Variants in BAHCC1 observed in about 807,000 individuals in gnomAD.
BAHCC1 encodes the protein BAH domain and coiled-coil containing 1.
In BAHCC1, 43 loss-of-function variants were observed where a neutral mutation model predicts 88.2. The ratio of observed to expected loss-of-function variants is 0.49; its 90% confidence interval spans 0.38 to 0.63. The LOEUF (loss-of-function observed/expected upper bound fraction) is 0.63. BAHCC1 is among the 20% of genes least tolerant of loss of function. BAHCC1 has a pLI of 0.00. For synonymous variants in BAHCC1, 1,510 were observed against 745.5 expected (o/e 2.03, Z -16.71); for missense variants, 3,023 against 1,654.8 (o/e 1.83, Z -14.34).
intron 4 of BAHCC1, among the ~76,000 whole-genome samples, chr17:81,440,484 CA>C (rs782758920): frequency 3.3e-5 from 5 of 152,246 alleles, no homozygotes; most frequent in Non-Finnish European, 5.9e-5. Context: ...TGCCTGAGGA[CA>C]ATTTTACAAG....
At position 81,458,482 on chromosome 17, in the gene BAHCC1, G is replaced by A. The variant is rs368845364; in HGVS notation, c.5343+16G>A. On this transcript the variant is annotated intron_variant, in intron 18 of 27. Transcript: ENST00000675386. ...AGTGCTGCGGGTGAGGCTGGGCTCTGGGGTGCTGGGCGGAGAGGGTGGGTG... is the reference window on the plus strand; with the variant it reads ...AGTGCTGCGGGTGAGGCTGGGCTCTAGGGTGCTGGGCGGAGAGGGTGGGTG... 1.1e-4 allele frequency: 78 copies of A among 691,478 alleles called. No homozygotes were observed. In the African/African-American group the frequency reaches 1.2e-3, roughly 11 times the overall value. 42.8% of individuals were successfully genotyped at this position (691,478 alleles called of 1,614,324 possible). A position where few individuals can be genotyped will look rare whatever the true frequency, so the allele number is the denominator to read the frequency against.
At chr17:81,406,837 G>A (rs1182691223) in intron 2 of BAHCC1, 2 of 455,560 alleles carry the variant, frequency 4.4e-6, no homozygotes, top group Non-Finnish European at 8.8e-6. Context: ...GCGAGCCTCG[G>A]GTCTGGTGGG....
chr17:81,459,185 GT>G lies in BAHCC1; in HGVS notation c.5720+18del. 1 of 768,472 alleles carries G rather than the reference GT, an allele frequency of 1.3e-6. No individual in the cohort carries two copies. The highest frequency in any genetic ancestry group is 2.4e-6 in the Non-Finnish European group (1 of 412,034). 47.6% of individuals were successfully genotyped at this position (768,472 alleles called of 1,614,324 possible). ...ACCCGACATGTGAGGCCTGGGCATG[GT>G]GGGGCAGGGCAGGGGCCTGGAGGGC... On this transcript the variant is annotated intron_variant, in intron 21 of 27. Transcript: ENST00000675386.
rs529578821 is a variant in BAHCC1, at chr17:81,452,602, G to A, written c.4317-121G>A. 84 of 546,190 alleles carry A rather than the reference G, an allele frequency of 1.5e-4. 1 individual carries two copies. Among genetic ancestry groups the A allele is most frequent in the African/African-American group, 1.4e-3 (67 of 49,610 alleles). The allele number at this position is 546,190 out of a possible 1,614,324, so 33.8% of individuals were successfully genotyped here. On this transcript the variant is annotated intron_variant, in intron 13 of 27. Transcript: ENST00000675386. Reference sequence around the variant, plus strand: ...CGTGAGGGGTCAGGCTCCCCAGGCCGAGTCTGGGCCGCATCTTTCCCCACA... The same window carrying A: ...CGTGAGGGGTCAGGCTCCCCAGGCCAAGTCTGGGCCGCATCTTTCCCCACA...
chr17:81,460,941 G>T lies in BAHCC1; in HGVS notation c.6278G>T (p.Ser2093Ile). 1 of 770,694 alleles carries T rather than the reference G, an allele frequency of 1.3e-6. No homozygotes were observed. The highest frequency in any genetic ancestry group is 2.4e-6 in the Non-Finnish European group (1 of 417,860). 47.7% of individuals were successfully genotyped at this position (770,694 alleles called of 1,614,324 possible). The part of the protein sequence containing the change: ...ASDHFLGRRG[S>I]PLLSWSAVAQ... ...GACCACTTCCTGGGCCGCCGTGGCAGCCCCTTGCTGAGCTGGTCCGCGGTG... is the reference window on the plus strand; with the variant it reads ...GACCACTTCCTGGGCCGCCGTGGCATCCCCTTGCTGAGCTGGTCCGCGGTG... Residue 2093 changes from serine to isoleucine, a missense_variant, in exon 26 of 28, where the codon AGC (serine) becomes ATC (isoleucine). Ser to Ile is a moderately radical substitution (Grantham distance 142). Coordinates refer to ENST00000675386, the MANE Select transcript of BAHCC1 (RefSeq NM_001377448.1).
chr17:81,427,828 T>G lies in BAHCC1; in HGVS notation c.358+849T>G, dbSNP rs891733200. 1.1e-3 allele frequency among the ~76,000 whole-genome samples: 166 copies of G among 152,324 alleles called. 2 individuals are homozygous for G. The highest frequency in any genetic ancestry group is 3.9e-3 in the African/African-American group (162 of 41,564). On this transcript the variant is annotated intron_variant, in intron 3 of 27. Transcript: ENST00000675386. Reference sequence around the variant, plus strand: ...CCCAGCACTGCCGTAACTCAATGACTGCTGAGCGGCGGGCGTCGTGTTTAC... The same window carrying G: ...CCCAGCACTGCCGTAACTCAATGACGGCTGAGCGGCGGGCGTCGTGTTTAC...
Position 81,399,152 on chromosome 17 carries a change from TGC to T in BAHCC1, c.-206-380_-206-379del, listed in dbSNP as rs146560663. 2 of 367,442 alleles carry T rather than the reference TGC, an allele frequency of 5.4e-6. No homozygotes were observed. Among genetic ancestry groups the T allele is most frequent in the African/African-American group, 2.3e-5 (1 of 44,236 alleles). 22.8% of individuals were successfully genotyped at this position (367,442 alleles called of 1,614,324 possible). ...GAGTGTGTGTGTGTGTGTGTGTGTG[TGC>T]GAGTGTGCGTGATGGCTTCGCAGAT... On this transcript the variant is annotated intron_variant, in intron 1 of 27. Coordinates refer to ENST00000675386, the MANE Select transcript of BAHCC1 (RefSeq NM_001377448.1). This position sits in a 1 kb window ranked among gnomAD's most constrained non-coding sequence, Gnocchi z 4.5.
chr17:81,460,975 C>A lies in BAHCC1; in HGVS notation c.6312C>A (p.Thr2104=). Residue 2104 remains threonine (T), a synonymous_variant, in exon 26 of 28, where the codon ACC becomes ACA. Coordinates refer to ENST00000675386, the MANE Select transcript of BAHCC1 (RefSeq NM_001377448.1). The part of the protein sequence containing the change: ...PLLSWSAVAQ[T]KRKAVAAASK... ...TGAGCTGGTCCGCGGTGGCGCAGAC[C>A]AAGCGGAAGGCGGTGGCAGCGGCCA... is the stretch of plus-strand genomic sequence containing the variant. The A allele has an allele frequency of 1.3e-6, 1 of 772,974 alleles. No individual in the cohort carries two copies. 47.9% of individuals were successfully genotyped at this position (772,974 alleles called of 1,614,324 possible).
intron 4 of BAHCC1, 81 bp from the exon 5 acceptor site, chr17:81,441,750 A>G (rs1414909887): frequency 4.4e-5 from 21 of 480,884 alleles, no homozygotes; most frequent in Non-Finnish European, 8.0e-5. Context: ...TCCGGGAGGC[A>G]CCTGGAGCAC....
rs1232302823 is a variant in BAHCC1, at chr17:81,444,515, C to G, written c.2459C>G (p.Pro820Arg). ...GCCCCCCACACCCACCCCCATCCCCCCTGGCTGCCCCGCACCCGCAGCCCC... is the reference window on the plus strand; with the variant it reads ...GCCCCCCACACCCACCCCCATCCCCGCTGGCTGCCCCGCACCCGCAGCCCC... The part of the protein sequence containing the change: ...DPAPHTHPHP[P>R]WLPRTRSPSL... The change falls in exon 7 of 28, where the codon CCC (proline) becomes CGC (arginine). Residue 820 changes from proline (P) to arginine (R), a missense_variant. Pro to Arg is a moderately radical substitution (Grantham distance 103). Coordinates refer to ENST00000675386, the MANE Select transcript of BAHCC1 (RefSeq NM_001377448.1). 2 of 696,586 alleles carry G rather than the reference C, an allele frequency of 2.9e-6. No homozygotes were observed. The highest frequency in any genetic ancestry group is 2.6e-6 in the Non-Finnish European group (1 of 379,908). 43.2% of individuals were successfully genotyped at this position (696,586 alleles called of 1,614,324 possible).
intron 11 of BAHCC1, among the ~76,000 whole-genome samples, chr17:81,448,481 G>A (rs1204022316): frequency 2.6e-5 from 4 of 152,196 alleles, no homozygotes; most frequent in African/African-American, 4.8e-5. Context: ...CACTCCCTGC[G>A]GTCCAGTGCT....
In BAHCC1 at chr17:81,399,936, C is replaced by T. The variant is rs1555645768; in HGVS notation, c.178+19C>T. 1.5e-6 allele frequency: 2 copies of T among 1,344,374 alleles called. No homozygotes were observed. The highest frequency in any genetic ancestry group is 1.9e-6 in the Non-Finnish European group (2 of 1,045,370). The allele number at this position is 1,344,374 out of a possible 1,614,324, so 83.3% of individuals were successfully genotyped here. ...CACACAGGTCAGTGCTCGGCCGGGG[C>T]GGGCGCGGGACGGGAGCGTTCGAGA... On this transcript the variant is annotated intron_variant, in intron 2 of 27. Transcript: ENST00000675386. The surrounding 1 kb of genome is among the most constrained non-coding windows in gnomAD (Gnocchi z 4.5).
rs1555659500 is a variant in BAHCC1, at chr17:81,461,711, G to A, written c.7048G>A (p.Asp2350Asn). 1.4e-6 allele frequency: 1 copy of A among 719,198 alleles called. No homozygotes were observed. The highest frequency in any genetic ancestry group is 2.6e-6 in the Non-Finnish European group (1 of 386,050). 44.6% of individuals were successfully genotyped at this position (719,198 alleles called of 1,614,324 possible). A position where few individuals can be genotyped will look rare whatever the true frequency, so the allele number is the denominator to read the frequency against. The change falls in exon 26 of 28, where the codon GAC becomes AAC. Residue 2350 changes from aspartate to asparagine, a missense_variant. By Grantham distance (23) the Asp-to-Asn change is conservative (BLOSUM62 1). Coordinates refer to ENST00000675386, the MANE Select transcript of BAHCC1 (RefSeq NM_001377448.1). ...CAACGAGGACTCGTCCTACAGCTCA[G>A]ACGACGAGGACCCGGCTCTGCTGCT... ...SDNEDSSYSS[D>N]DEDPALLLQT...
intron 2 of BAHCC1, among the ~76,000 whole-genome samples, chr17:81,404,316 C>T (rs1555646543): frequency 6.6e-6 from 1 of 152,234 alleles, no homozygotes; most frequent in Non-Finnish European, 1.5e-5. Context: ...GACTTTCTCT[C>T]TTACGGGAAC....
At chr17:81,454,103 G>A (rs2064699220) in intron 14 of BAHCC1, among the ~76,000 whole-genome samples, 1 of 152,368 alleles carries the variant, frequency 6.6e-6, no homozygotes, top group East Asian at 1.9e-4. Flanking sequence ...GGGTTGAAAG[G>A]TGAGAGGCCA....
chr17:81,398,919 A>G (rs2063774094), intron 1 of BAHCC1, among the ~76,000 whole-genome samples: 1 of 150,650 alleles, frequency 6.6e-6, no homozygotes, highest in Admixed American at 6.6e-5. Context: ...GAGTGGGGAG[A>G]AAAGGAAGGT....
At chr17:81,439,869 C>T (rs1315860932) in intron 4 of BAHCC1, among the ~76,000 whole-genome samples, 2 of 152,142 alleles carry the variant, frequency 1.3e-5, no homozygotes, top group African/African-American at 4.8e-5. Flanking sequence ...GACCCGAGGC[C>T]AGTCTGCCCA....
At position 81,465,069 on chromosome 17, in the gene BAHCC1, C is replaced by G. The variant is rs533818983; in HGVS notation, c.*1252C>G. 5 of 152,438 alleles carry G rather than the reference C, an allele frequency of 3.3e-5. No individual in the cohort carries two copies. In the South Asian group the frequency reaches 1.0e-3, roughly 32 times the overall value. 9.4% of individuals were successfully genotyped at this position (152,438 alleles called of 1,614,324 possible). On this transcript the variant is annotated 3_prime_UTR_variant, in exon 28 of 28. Transcript: ENST00000675386. ...TTTCCCACCCACCTTATTGGTGCCCCCAAACCCCTGGCCTGCTGCGTAGAT... is the reference window on the plus strand; with the variant it reads ...TTTCCCACCCACCTTATTGGTGCCCGCAAACCCCTGGCCTGCTGCGTAGAT...
At chr17:81,415,039 G>C (rs1267811205) in intron 2 of BAHCC1, among the ~76,000 whole-genome samples, 7 of 151,766 alleles carry the variant, frequency 4.6e-5, no homozygotes, top group Admixed American at 4.6e-4. Flanking sequence ...TTTGCCCCCT[G>C]GTTCCCATTG....
Sources: allele counts gnomAD v4.1 joint callset (sites outside exome capture counted in the v4.1 genomes callset), GRCh38; gene constraint gnomAD v4.1.1; non-coding constraint Gnocchi (gnomAD v3.1); transcripts MANE v1.5; gene names NCBI Gene and HGNC (gene_info 2026-07-23, HGNC 2026-07-21).